FRYL: variants seen among roughly 807,000 people sequenced by gnomAD.
The protein encoded by FRYL is protein furry homolog-like.
Under a neutral mutation model 351.2 loss-of-function variants are expected in FRYL, and 150 were observed. The ratio of observed to expected loss-of-function variants is 0.43; its 90% CI spans 0.37 to 0.49. The LOEUF (loss-of-function observed/expected upper bound fraction) is 0.49. FRYL is among the 20% of genes least tolerant of loss of function. The pLI, the probability that FRYL is intolerant of heterozygous loss-of-function variation, is 0.00. For missense variants in FRYL, 3,036 were observed against 3,619.3 expected (o/e 0.84, Z 4.13); for synonymous variants, 1,153 against 1,257.1 (o/e 0.92, Z 1.75).
intron 1 of FRYL, among the ~76,000 whole-genome samples, chr4:48,732,601 A>G (rs1337383173): frequency 1.3e-5 from 2 of 152,184 alleles, no homozygotes; most frequent in African/African-American, 4.8e-5. Flanking sequence ...CAGCCATAAA[A>G]AAGGATGAGT....
At chr4:48,531,722 G>A (rs1727682990) in intron 49 of FRYL, among the ~76,000 whole-genome samples, 1 of 152,144 alleles carries the variant, frequency 6.6e-6, no homozygotes, top group African/African-American at 2.4e-5. Flanking sequence ...ATAGCTTTGA[G>A]ACTCTAAAAT....
At chr4:48,514,690 T>A (rs1723194636) in intron 56 of FRYL, among the ~76,000 whole-genome samples, 1 of 152,242 alleles carries the variant, frequency 6.6e-6, no homozygotes, top group South Asian at 2.1e-4. Context: ...GGAAGTTCAT[T>A]CCAATATTGA....
chr4:48,572,147 C>T (rs768324610), intron 26 of FRYL, among the ~76,000 whole-genome samples: 10 of 152,186 alleles, frequency 6.6e-5, no homozygotes, highest in Non-Finnish European at 1.2e-4. Context: ...CTCAGGGCAT[C>T]CCCAACATTA....
At chr4:48,534,190 C>T (rs1010537682) in intron 49 of FRYL, among the ~76,000 whole-genome samples, 1 of 152,184 alleles carries the variant, frequency 6.6e-6, no homozygotes, top group African/African-American at 2.4e-5. Context: ...TGCGCCACTG[C>T]ACTCCAGCCT....
intron 22 of FRYL, among the ~76,000 whole-genome samples, chr4:48,580,068 C>G (rs74283247): frequency 1.3e-5 from 2 of 151,410 alleles, no homozygotes; most frequent in Non-Finnish European, 2.9e-5. Context: ...AGCATCATGG[C>G]GGGGGGGAAT....
chr4:48,544,678 T>C, intron 43 of FRYL, 105 bp downstream of exon 43: 1 of 883,562 alleles, frequency 1.1e-6, no homozygotes, highest in Non-Finnish European at 1.6e-6. Context: ...AGTCTAAAAC[T>C]TTTAGAGGTA....
At chr4:48,617,897 T>C (rs1749867572) in intron 7 of FRYL, 1 of 152,210 alleles carries the variant, frequency 6.6e-6, no homozygotes, top group Non-Finnish European at 1.5e-5. Context: ...GCCATTTCTC[T>C]GGCTGGAGGA....
At position 48,576,067 on chromosome 4, in the gene FRYL, G is replaced by A. The variant is rs368798359; in HGVS notation, c.2684C>T (p.Ala895Val). 1.2e-5 allele frequency: 20 copies of A among 1,612,954 alleles called. No homozygotes were observed. Among genetic ancestry groups the A allele is most frequent in the African/African-American group, 9.3e-5 (7 of 74,930 alleles). ...SVRCSPPETL[A>V]STPDSGYSID... ...GCTATAGCCGCTATCTGGGGTAGAC[G>A]CCAGCGTCTCAGGAGGAGAACATCT... Residue 895 changes from alanine to valine, a missense_variant, in exon 24 of 64, where the codon GCG becomes GTG. By Grantham distance (64) the Ala-to-Val change is moderately conservative. Transcript: ENST00000358350.
intron 1 of FRYL, among the ~76,000 whole-genome samples, chr4:48,772,530 C>T (rs1471368360): frequency 6.6e-6 from 1 of 152,012 alleles, no homozygotes. Flanking sequence ...ATTCATCAAA[C>T]TAATATTTTT....
intron 31 of FRYL, among the ~76,000 whole-genome samples, chr4:48,563,508 C>G (rs987021524): frequency 1.3e-5 from 2 of 151,924 alleles, no homozygotes; most frequent in African/African-American, 4.8e-5. Flanking sequence ...GAGTTCAAGA[C>G]CATCCTGGGC....
intron 33 of FRYL, among the ~76,000 whole-genome samples, chr4:48,558,418 T>C (rs1734618651): frequency 6.6e-6 from 1 of 152,186 alleles, no homozygotes; most frequent in South Asian, 2.1e-4. Flanking sequence ...AGAATTCTGA[T>C]TACCAGAGCT....
chr4:48,717,689 T>C (rs1347949539), intron 1 of FRYL, among the ~76,000 whole-genome samples: 1 of 151,380 alleles, frequency 6.6e-6, no homozygotes, highest in Non-Finnish European at 1.5e-5. Flanking sequence ...TGCAGGAGCA[T>C]GCCACCATGT....
chr4:48,566,099 G>T lies in FRYL; in HGVS notation c.3170-408C>A, dbSNP rs1253842997. Among the ~76,000 whole-genome samples, 5 of 152,126 alleles carry T rather than the reference G, an allele frequency of 3.3e-5. No homozygotes were observed. The East Asian group carries it at 5.8e-4, about 18-fold the overall frequency. The stretch of plus-strand genomic sequence containing the variant: ...TAAGTAAGGGCTTTGGACGAGATAC[G>T]TGTTTTCAAACTTTCTATTTTTTTT... On this transcript the variant is annotated intron_variant, in intron 28 of 63. Transcript: ENST00000358350.
chr4:48,577,703 A>T (rs1739931899), intron 23 of FRYL, among the ~76,000 whole-genome samples: 2 of 152,046 alleles, frequency 1.3e-5, no homozygotes, highest in South Asian at 4.2e-4. Flanking sequence ...GGCAAATGTC[A>T]ATCTTTATTT....
intron 44 of FRYL, among the ~76,000 whole-genome samples, chr4:48,542,541 C>T (rs982937832): frequency 2.1e-4 from 32 of 152,158 alleles, no homozygotes; most frequent in African/African-American, 6.3e-4. Flanking sequence ...CTCAGCCTCC[C>T]GAGTAGCTGG....
At position 48,576,921 on chromosome 4, in the gene FRYL, C is replaced by T. The variant is rs146153757; in HGVS notation, c.2529-699G>A. On this transcript the variant is annotated intron_variant, in intron 23 of 63. Transcript: ENST00000358350. ...ATGAATACATCTCTTTTAATTTATA[C>T]GAATTAAATGTTTATTTTATTTTGT... 8.3e-3 allele frequency among the ~76,000 whole-genome samples: 1,259 copies of T among 152,040 alleles called. 17 individuals are homozygous for T. Among genetic ancestry groups the T allele is most frequent in the Non-Finnish European group, 0.013 (892 of 67,988 alleles).
chr4:48,569,749 T>C (rs1224503990), intron 27 of FRYL, among the ~76,000 whole-genome samples: 1 of 152,200 alleles, frequency 6.6e-6, no homozygotes, highest in Non-Finnish European at 1.5e-5. Flanking sequence ...TTGGGAGAAA[T>C]GCTAAAGGAA....
chr4:48,553,381 C>T lies in FRYL; in HGVS notation c.4269G>A (p.Val1423=). ...TACCTAAATATACAATGACCTTCTT[C>T]ACCTGTCACAAAAGAAATCGTTCAG... ...VNSEPSLLPY[V]KKVIVYLGRD... is the part of the protein sequence containing the mutation. Residue 1423 remains valine (V), a splice_region_variant and synonymous_variant, in exon 36 of 64, where the codon GTG becomes GTA. Coordinates refer to ENST00000358350, the MANE Select transcript of FRYL (RefSeq NM_015030.2). 1 of 1,601,414 alleles carries T rather than the reference C, an allele frequency of 6.2e-7. No homozygotes were observed. Among genetic ancestry groups the T allele is most frequent in the Non-Finnish European group, 8.5e-7 (1 of 1,174,952 alleles).
chr4:48,537,474 C>T (rs757232407), intron 47 of FRYL, among the ~76,000 whole-genome samples: 1 of 152,054 alleles, frequency 6.6e-6, no homozygotes, highest in Non-Finnish European at 1.5e-5. Context: ...CTGTGCTCTC[C>T]AAAGGCACAA....
Sources: allele counts gnomAD v4.1 joint callset (sites outside exome capture counted in the v4.1 genomes callset), GRCh38; gene constraint gnomAD v4.1.1; transcripts MANE v1.5; gene names NCBI Gene and HGNC (gene_info 2026-07-23, HGNC 2026-07-21).